The following CDIN1 variants were observed in gnomAD, a reference collection of about 807,000 sequenced individuals.
The protein encoded by CDIN1 is CDAN1-interacting nuclease 1.
In CDIN1, 33 loss-of-function variants were observed where a neutral mutation model predicts 45.3. The ratio of observed to expected loss-of-function variants is 0.73; its 90% CI spans 0.55 to 0.97. CDIN1 has a LOEUF of 0.97. Ranked by LOEUF, CDIN1 falls within the 50% of genes least tolerant of loss-of-function variation. The probability of loss-of-function intolerance (pLI) is 0.00; values close to 1 mark genes in which losing one functional copy is unlikely to be tolerated. For synonymous variants in CDIN1, 118 were observed against 124.4 expected (o/e 0.95, Z 0.34); for missense variants, 303 against 339.4 (o/e 0.89, Z 0.84).
chr15:36,686,329 A>G (rs1023654709), intron 5 of CDIN1, among the ~76,000 whole-genome samples: 18 of 147,624 alleles, frequency 1.2e-4, no homozygotes, highest in Non-Finnish European at 2.4e-4. Flanking sequence ...CAAACACCGC[A>G]TATTCTCACT....
intron 10 of CDIN1, among the ~76,000 whole-genome samples, chr15:36,719,043 G>A (rs2043316010): frequency 6.6e-6 from 1 of 151,488 alleles, no homozygotes; most frequent in Non-Finnish European, 1.5e-5. Context: ...GGGCAACATA[G>A]TGAGACCCTG....
At chr15:36,681,214 C>T (rs189517521) in intron 5 of CDIN1, among the ~76,000 whole-genome samples, 1 of 151,842 alleles carries the variant, frequency 6.6e-6, no homozygotes, top group Non-Finnish European at 1.5e-5. Flanking sequence ...TTTGTAAGAG[C>T]AGATTTTTAA....
At chr15:36,787,174 CTG>C (rs935651577) in intron 10 of CDIN1, among the ~76,000 whole-genome samples, 5 of 152,156 alleles carry the variant, frequency 3.3e-5, no homozygotes, top group Non-Finnish European at 7.4e-5. Context: ...GATTTTCAAA[CTG>C]AGTTCTAGGG....
At chr15:36,765,773 T>G (rs1364919778) in intron 10 of CDIN1, among the ~76,000 whole-genome samples, 1 of 152,210 alleles carries the variant, frequency 6.6e-6, no homozygotes, top group Non-Finnish European at 1.5e-5. Flanking sequence ...GTATACAATT[T>G]GGTGAGTTTG....
chr15:36,789,252 A>C (rs2141081256), intron 10 of CDIN1, among the ~76,000 whole-genome samples: 1 of 152,286 alleles, frequency 6.6e-6, no homozygotes, highest in South Asian at 2.1e-4. Context: ...ACATTTGTCC[A>C]AAAAACTGAC....
chr15:36,670,695 G>A (rs1268274301), intron 5 of CDIN1, among the ~76,000 whole-genome samples: 1 of 152,010 alleles, frequency 6.6e-6, no homozygotes, highest in Non-Finnish European at 1.5e-5. Context: ...ATTTCCTATA[G>A]CCTTTTTACT....
chr15:36,693,520 A>G (rs1336414798), intron 7 of CDIN1, among the ~76,000 whole-genome samples: 1 of 152,192 alleles, frequency 6.6e-6, no homozygotes, highest in Admixed American at 6.5e-5. Context: ...GTTGAATTAC[A>G]TGTTAATTTT....
intron 5 of CDIN1, among the ~76,000 whole-genome samples, chr15:36,682,350 A>T (rs2041880257): frequency 6.6e-6 from 1 of 152,168 alleles, no homozygotes; most frequent in African/African-American, 2.4e-5. Context: ...TGTCTTACTC[A>T]GCCTTTTAGT....
At chr15:36,757,857 C>G (rs556818341) in intron 10 of CDIN1, among the ~76,000 whole-genome samples, 1 of 152,202 alleles carries the variant, frequency 6.6e-6, no homozygotes, top group Non-Finnish European at 1.5e-5. Context: ...TTTATCATCT[C>G]AAATCATCAC....
intron 5 of CDIN1, among the ~76,000 whole-genome samples, chr15:36,661,117 G>A (rs1319212763): frequency 6.6e-6 from 1 of 152,172 alleles, no homozygotes; most frequent in Non-Finnish European, 1.5e-5. Flanking sequence ...GAAGTGGATG[G>A]CAGTGCTGGT....
At chr15:36,605,315 C>T (rs1327311559) in intron 1 of CDIN1, among the ~76,000 whole-genome samples, 1 of 152,000 alleles carries the variant, frequency 6.6e-6, no homozygotes, top group Non-Finnish European at 1.5e-5. Flanking sequence ...TTTACTTCAC[C>T]ATGATTTAAT....
chr15:36,644,600 C>T (rs961862448), intron 2 of CDIN1, among the ~76,000 whole-genome samples: 1 of 152,038 alleles, frequency 6.6e-6, no homozygotes, highest in Admixed American at 6.5e-5. Flanking sequence ...TGCGTGGTTC[C>T]ATGTGCTAAA....
intron 5 of CDIN1, among the ~76,000 whole-genome samples, chr15:36,659,671 TA>T (rs1245696847): frequency 1.3e-5 from 2 of 151,852 alleles, no homozygotes; most frequent in Non-Finnish European, 2.9e-5. Flanking sequence ...TATTTGATGT[TA>T]TTTTTAATCA....
At chr15:36,583,598 G>A (rs2037146476) in intron 1 of CDIN1, among the ~76,000 whole-genome samples, 1 of 152,074 alleles carries the variant, frequency 6.6e-6, no homozygotes, top group Admixed American at 6.5e-5. Context: ...GTAGGGCTTT[G>A]GAGACTGCAA....
intron 8 of CDIN1, chr15:36,701,897 AAATTAGGATCT>A (rs1220737855): frequency 1.7e-6 from 1 of 588,738 alleles, no homozygotes; most frequent in East Asian, 2.8e-5. Flanking sequence ...TTGTCGTAAG[AAATTAGGATCT>A]TTGTTTCTAA....
chr15:36,698,404 T>C (rs918891631), intron 8 of CDIN1, among the ~76,000 whole-genome samples: 9 of 152,340 alleles, frequency 5.9e-5, no homozygotes, highest in African/African-American at 1.9e-4. Context: ...ATTAAGCAAG[T>C]GTTCTCAAGT....
chr15:36,719,644 T>A (rs963475191), intron 10 of CDIN1, among the ~76,000 whole-genome samples: 2 of 152,176 alleles, frequency 1.3e-5, no homozygotes, highest in East Asian at 3.8e-4. Context: ...TTAGTATGGG[T>A]TGGGAGGCAT....
At chr15:36,595,336 T>TATAATATAAA (rs1566818850) in intron 1 of CDIN1, among the ~76,000 whole-genome samples, 9 of 135,142 alleles carry the variant, frequency 6.7e-5, no homozygotes, top group Non-Finnish European at 1.3e-4. Flanking sequence ...TATAATATAA[T>TATAATATAAA]ATAAAATAAT....
chr15:36,697,479 G>T, intron 8 of CDIN1, 89 bp downstream of exon 8: 1 of 1,038,844 alleles, frequency 9.6e-7, no homozygotes, highest in Non-Finnish European at 1.4e-6. Flanking sequence ...AAGGAAGAGT[G>T]AATGATGATT....
Sources: allele counts gnomAD v4.1 joint callset (sites outside exome capture counted in the v4.1 genomes callset), GRCh38; gene constraint gnomAD v4.1.1; transcripts MANE v1.5; gene names NCBI Gene and HGNC (gene_info 2026-07-23, HGNC 2026-07-21).